The following CLMP variants were observed in gnomAD, a reference collection of about 807,000 sequenced individuals.
CLMP encodes the protein CXADR like cell adhesion molecule, also known as CXADR-like membrane protein.
CLMP carries 27 observed loss-of-function variants against 45.2 expected under a neutral mutation model. The observed-to-expected ratio is 0.60, with a 90% CI of 0.44 to 0.82. The LOEUF is 0.82. Ranked by LOEUF, CLMP falls within the 40% of genes least tolerant of loss-of-function variation. The probability of loss-of-function intolerance (pLI) is 0.00; values close to 1 mark genes in which losing one functional copy is unlikely to be tolerated. For missense variants in CLMP, 403 were observed against 448.4 expected, an observed-to-expected ratio of 0.90 and a Z score of 0.91; for synonymous variants, 167 against 171.4, an observed-to-expected ratio of 0.97 and a Z score of 0.20.
At position 123,083,799 on chromosome 11, in the gene CLMP, C is replaced by T. The variant is rs1429402089; in HGVS notation, c.437G>A (p.Gly146Glu). The T allele has an allele frequency of 1.2e-6, 2 of 1,613,806 alleles. No homozygotes were observed. Among genetic ancestry groups the T allele is most frequent in the East Asian group, 2.2e-5 (1 of 44,878 alleles). The change falls in exon 4 of 7, where the codon GGA becomes GAA. Residue 146 changes from glycine (G) to glutamate (E), a missense_variant. Physicochemically the swap from Gly to Glu is moderately conservative, Grantham distance 98 (BLOSUM62 -2). Coordinates refer to ENST00000448775, the MANE Select transcript of CLMP (RefSeq NM_024769.5). Reference sequence around the variant, plus strand: ...CTCACACTGCAAAGTCAGGTCACTTCCTTCTGTCAGCTCTCCTTCCAACTC... The same window carrying T: ...CTCACACTGCAAAGTCAGGTCACTTTCTTCTGTCAGCTCTCCTTCCAACTC... ...KCELEGELTE[G>E]SDLTLQCESS...
chr11:123,087,270 G>A lies in CLMP; in HGVS notation c.187-2557C>T, dbSNP rs1343664590. ...GAGAATTGCTTGAACCCGGGAGGCG[G>A]AGGTTGCAATGAGCCAAGATCACGG... On this transcript the variant is annotated intron_variant, in intron 2 of 6. Transcript: ENST00000448775. Among the ~76,000 whole-genome samples the A allele has an allele frequency of 2.0e-5, 3 of 152,236 alleles. No individual in the cohort carries two copies. In the South Asian group the frequency reaches 6.2e-4, roughly 32 times the overall value.
intron 2 of CLMP, among the ~76,000 whole-genome samples, chr11:123,085,841 A>G (rs1865860152): frequency 6.8e-6 from 1 of 146,680 alleles, no homozygotes; most frequent in Non-Finnish European, 1.5e-5. Context: ...CAATGGTGCG[A>G]TCCTGGCTCA....
intron 1 of CLMP, among the ~76,000 whole-genome samples, chr11:123,137,855 G>A (rs1861101303): frequency 6.6e-6 from 1 of 152,178 alleles, no homozygotes; most frequent in African/African-American, 2.4e-5. Context: ...CAGACACCAG[G>A]GGACTGGCTG....
intron 1 of CLMP, among the ~76,000 whole-genome samples, chr11:123,120,197 G>C (rs988069605): frequency 2.6e-4 from 40 of 152,254 alleles, no homozygotes; most frequent in African/African-American, 9.4e-4. Context: ...AAGGTGTAAG[G>C]ATTGCTTGAG....
At chr11:123,082,004 G>A (rs144088438) in intron 5 of CLMP, among the ~76,000 whole-genome samples, 16 of 152,282 alleles carry the variant, frequency 1.1e-4, no homozygotes, top group African/African-American at 3.4e-4. Flanking sequence ...CTGACTCCAC[G>A]GCTGATGCTC....
Position 123,084,592 on chromosome 11 carries a change from G to C in CLMP, c.308C>G (p.Pro103Arg), listed in dbSNP as rs745428396. ...DASLQIEPLK[P>R]SDEGRYTCKV... ...ACAGGTGTACCGGCCCTCATCACTGGGCTTCAGAGGTTCAATCTGCAAGGA... is the reference window on the plus strand; with the variant it reads ...ACAGGTGTACCGGCCCTCATCACTGCGCTTCAGAGGTTCAATCTGCAAGGA... The change falls in exon 3 of 7, where the codon CCC becomes CGC. Residue 103 changes from proline (P) to arginine (R), a missense_variant. Pro to Arg is a moderately radical substitution (Grantham distance 103, BLOSUM62 -2). Transcript: ENST00000448775. The C allele has an allele frequency of 8.7e-6, 14 of 1,614,048 alleles. No homozygotes were observed. Among genetic ancestry groups the C allele is most frequent in the Non-Finnish European group, 1.2e-5 (14 of 1,180,034 alleles).
chr11:123,128,128 T>C (rs974249901), intron 1 of CLMP, among the ~76,000 whole-genome samples: 4 of 150,208 alleles, frequency 2.7e-5, no homozygotes, highest in African/African-American at 9.8e-5. Flanking sequence ...CAATTAATCA[T>C]AGTAATTCCC....
chr11:123,111,019 C>T (rs78297018), intron 1 of CLMP, among the ~76,000 whole-genome samples: 2,767 of 152,084 alleles, frequency 0.018, 83 homozygotes, highest in African/African-American at 0.063. Flanking sequence ...TATGAGTGCT[C>T]AGTATATTCA....
At chr11:123,098,356 T>C (rs1317939659) in intron 1 of CLMP, among the ~76,000 whole-genome samples, 1 of 151,870 alleles carries the variant, frequency 6.6e-6, no homozygotes, top group East Asian at 1.9e-4. Flanking sequence ...GCCTCGTGAG[T>C]AGCTGGAACT....
intron 1 of CLMP, among the ~76,000 whole-genome samples, chr11:123,165,894 C>A (rs2135536847): frequency 6.6e-6 from 1 of 152,304 alleles, no homozygotes; most frequent in Middle Eastern, 3.4e-3. Context: ...TTCCCACAGT[C>A]AGCAACCAGA....
intron 2 of CLMP, among the ~76,000 whole-genome samples, chr11:123,092,551 C>T (rs1175986886): frequency 1.3e-5 from 2 of 152,150 alleles, no homozygotes; most frequent in Non-Finnish European, 2.9e-5. Flanking sequence ...CCGCCTTGGC[C>T]TCCCAAAGTG....
chr11:123,184,989 G>A (rs148665054), intron 1 of CLMP, among the ~76,000 whole-genome samples: 148 of 152,202 alleles, frequency 9.7e-4, no homozygotes, highest in African/African-American at 3.2e-3. Flanking sequence ...AGGTGCTCTC[G>A]GGGCTGAGAG....
chr11:123,097,025 T>A (rs1180718914), intron 2 of CLMP, among the ~76,000 whole-genome samples: 13 of 152,016 alleles, frequency 8.6e-5, no homozygotes, highest in African/African-American at 1.9e-4. Context: ...ATTAAAAAAA[T>A]TTTTTTGGTA....
At chr11:123,078,218 G>C (rs1166293016) in intron 5 of CLMP, among the ~76,000 whole-genome samples, 1 of 152,082 alleles carries the variant, frequency 6.6e-6, no homozygotes, top group Non-Finnish European at 1.5e-5. Flanking sequence ...ATGCAATTTT[G>C]CATCTGAAAT....
At chr11:123,127,411 A>G (rs11219001) in intron 1 of CLMP, among the ~76,000 whole-genome samples, 23,470 of 152,162 alleles carry the variant, frequency 0.15, 2,438 homozygotes, top group African/African-American at 0.29. Context: ...CGTGAGCCAC[A>G]GCGCCCAGCC....
At chr11:123,118,937 CTTTCTTTCTT>C (rs1860756477) in intron 1 of CLMP, among the ~76,000 whole-genome samples, 1 of 12,874 alleles carries the variant, frequency 7.8e-5, no homozygotes. Flanking sequence ...TCTTTTCTTT[CTTTCTTTCTT>C]TCTTTCTTTC....
At chr11:123,160,413 G>T (rs1861470704) in intron 1 of CLMP, among the ~76,000 whole-genome samples, 1 of 151,352 alleles carries the variant, frequency 6.6e-6, no homozygotes, top group African/African-American at 2.4e-5. Context: ...ATGTTTTGCT[G>T]CATGTCTTCA....
At chr11:123,079,287 T>C (rs74581495) in intron 5 of CLMP, among the ~76,000 whole-genome samples, 14 of 152,140 alleles carry the variant, frequency 9.2e-5, no homozygotes, top group Non-Finnish European at 1.8e-4. Context: ...CTTTCTAATA[T>C]AGATTCTACA....
chr11:123,095,506 G>A, intron 2 of CLMP, among the ~76,000 whole-genome samples: 1 of 152,120 alleles, frequency 6.6e-6, no homozygotes, highest in Non-Finnish European at 1.5e-5. Context: ...CTAACCTCAG[G>A]TTATCCACCC....
Sources: gnomAD v4.1 joint callset for allele counts (sites outside exome capture counted in the v4.1 genomes callset) on GRCh38, gnomAD v4.1.1 for gene constraint, MANE v1.5 for transcripts, NCBI Gene and HGNC (gene_info 2026-07-23, HGNC 2026-07-21) for gene names.